Variants in SPOCK3 observed in about 807,000 individuals in gnomAD.
SPOCK3 encodes the protein SPARC (osteonectin), cwcv and kazal like domains proteoglycan 3.
SPOCK3 carries 30 observed loss-of-function variants against 56.6 expected under a neutral mutation model. The ratio of observed to expected loss-of-function variants is 0.53; its 90% CI spans 0.40 to 0.72. The LOEUF (loss-of-function observed/expected upper bound fraction) is 0.72, where lower values mean the gene tolerates loss of function less well. Ranked by LOEUF, SPOCK3 falls within the 30% of genes least tolerant of loss-of-function variation. SPOCK3 has a pLI of 0.00. For synonymous variants in SPOCK3, 196 were observed against 183.3 expected (o/e 1.07, Z -0.56); for missense variants, 527 against 530.0 (o/e 0.99, Z 0.06).
At chr4:166,950,102 A>C (rs905562708) in intron 4 of SPOCK3, among the ~76,000 whole-genome samples, 6 of 151,416 alleles carry the variant, frequency 4.0e-5, no homozygotes, top group Non-Finnish European at 8.8e-5. Context: ...TTTTAAATGT[A>C]AATGGACTAA....
chr4:166,770,481 T>C (rs4859979), intron 7 of SPOCK3, among the ~76,000 whole-genome samples: 5 of 151,894 alleles, frequency 3.3e-5, no homozygotes, highest in Admixed American at 1.3e-4. Flanking sequence ...TATCAGGTCC[T>C]GAGATTAGAA....
At chr4:167,188,096 T>A (rs1354680803) in intron 2 of SPOCK3, among the ~76,000 whole-genome samples, 1 of 118,586 alleles carries the variant, frequency 8.4e-6, no homozygotes, top group Non-Finnish European at 1.7e-5. Context: ...CCCACGATAA[T>A]CCAGATAGTG....
At chr4:166,841,172 T>C (rs1411784014) in intron 6 of SPOCK3, among the ~76,000 whole-genome samples, 3 of 152,126 alleles carry the variant, frequency 2.0e-5, no homozygotes, top group Non-Finnish European at 4.4e-5. Context: ...TCTTCAATTA[T>C]TGGAGACCGA....
chr4:166,755,247 C>T (rs28433769), intron 7 of SPOCK3, among the ~76,000 whole-genome samples: 1 of 151,736 alleles, frequency 6.6e-6, no homozygotes, highest in Non-Finnish European at 1.5e-5. Context: ...ACCTGTTGAC[C>T]AGAGAAAGAA....
intron 6 of SPOCK3, chr4:166,883,407 T>C (rs1411221676): frequency 6.6e-6 from 1 of 152,216 alleles, no homozygotes; most frequent in Admixed American, 6.5e-5. Flanking sequence ...CCTATACTCA[T>C]TGTCCCCACA....
At chr4:167,112,439 T>C (rs781492893) in intron 2 of SPOCK3, among the ~76,000 whole-genome samples, 3 of 152,144 alleles carry the variant, frequency 2.0e-5, no homozygotes, top group Non-Finnish European at 4.4e-5. Flanking sequence ...AGGGTCTGCC[T>C]ACCTACTTCA....
At chr4:166,873,542 A>G (rs958420394) in intron 6 of SPOCK3, among the ~76,000 whole-genome samples, 1 of 152,178 alleles carries the variant, frequency 6.6e-6, no homozygotes, top group African/African-American at 2.4e-5. Flanking sequence ...CTTCTGCTCT[A>G]TATTGTTGTG....
chr4:167,062,717 A>G (rs1755734251), intron 2 of SPOCK3, 180 bp from the exon 3 acceptor site: 3 of 559,872 alleles, frequency 5.4e-6, no homozygotes, highest in Non-Finnish European at 9.5e-6. Flanking sequence ...GAGAAAAAGA[A>G]TAGTTATCAA....
intron 8 of SPOCK3, among the ~76,000 whole-genome samples, chr4:166,745,436 G>T (rs532811465): frequency 6.6e-6 from 1 of 152,258 alleles, no homozygotes; most frequent in African/African-American, 2.4e-5. Context: ...ACAAGCAAAT[G>T]CTGAGGGATT....
intron 4 of SPOCK3, among the ~76,000 whole-genome samples, chr4:166,929,541 GCTTAAATATC>G (rs11279585): frequency 0.19 from 29,156 of 152,002 alleles, 3,086 homozygotes; most frequent in South Asian, 0.26. Flanking sequence ...GATTTCAGTA[GCTTAAATATC>G]CTTATAGTGA....
intron 4 of SPOCK3, among the ~76,000 whole-genome samples, chr4:166,949,443 G>A (rs939320191): frequency 1.3e-5 from 2 of 152,122 alleles, no homozygotes; most frequent in Admixed American, 1.3e-4. Context: ...CAGTTTTTCT[G>A]CTCTGTTTTT....
At chr4:166,768,568 A>T (rs577941182) in intron 7 of SPOCK3, among the ~76,000 whole-genome samples, 3 of 152,100 alleles carry the variant, frequency 2.0e-5, no homozygotes, top group African/African-American at 7.2e-5. Flanking sequence ...TGTTAGTCTG[A>T]TGGGTTTCCC....
chr4:167,094,829 A>T (rs545785454), intron 2 of SPOCK3, among the ~76,000 whole-genome samples: 1 of 152,282 alleles, frequency 6.6e-6, no homozygotes, highest in South Asian at 2.1e-4. Context: ...GTTCTCCAGA[A>T]TAATGTACAT....
At chr4:167,170,150 GA>G (rs1195484055) in intron 2 of SPOCK3, among the ~76,000 whole-genome samples, 2 of 152,202 alleles carry the variant, frequency 1.3e-5, no homozygotes, top group East Asian at 3.9e-4. Context: ...CAATTCAAAA[GA>G]CTAGTCATTT....
At chr4:167,111,204 A>G (rs1309782120) in intron 2 of SPOCK3, among the ~76,000 whole-genome samples, 1 of 152,126 alleles carries the variant, frequency 6.6e-6, no homozygotes, top group African/African-American at 2.4e-5. Context: ...ATTCACAACT[A>G]AAAACTGGTG....
chr4:167,055,383 T>G (rs972479932), intron 3 of SPOCK3, among the ~76,000 whole-genome samples: 1 of 152,032 alleles, frequency 6.6e-6, no homozygotes, highest in Non-Finnish European at 1.5e-5. Flanking sequence ...ACGCAGAAGA[T>G]GGGTGATTTC....
chr4:166,872,234 C>CAGAAGGTAGAAAGTATACATATAGGATAT (rs1732566435), intron 6 of SPOCK3, among the ~76,000 whole-genome samples: 1 of 151,802 alleles, frequency 6.6e-6, no homozygotes, highest in South Asian at 2.1e-4. Flanking sequence ...GAATATGTAA[C>CAGAAGGTAGAAAGTATACATATAGGATAT]AGAAGGTAGA....
chr4:167,012,724 CA>C (rs1176212379), intron 3 of SPOCK3, among the ~76,000 whole-genome samples: 1 of 151,896 alleles, frequency 6.6e-6, no homozygotes, highest in African/African-American at 2.4e-5. Context: ...TGTGCTCTCA[CA>C]AAAAATGAAG....
At chr4:166,865,262 G>C (rs75882352) in intron 6 of SPOCK3, among the ~76,000 whole-genome samples, 4 of 152,044 alleles carry the variant, frequency 2.6e-5, no homozygotes, top group Non-Finnish European at 5.9e-5. Flanking sequence ...CAATAAACCA[G>C]GTATTGATGG....
Sources: allele counts gnomAD v4.1 joint callset (sites outside exome capture counted in the v4.1 genomes callset), GRCh38; gene constraint gnomAD v4.1.1; transcripts MANE v1.5; gene names NCBI Gene and HGNC (gene_info 2026-07-23, HGNC 2026-07-21).